Variants in ZBTB5 observed in about 807,000 individuals in gnomAD.
The protein encoded by ZBTB5 is zinc finger and BTB domain-containing protein 5.
Under a neutral mutation model 37.9 loss-of-function variants are expected in ZBTB5, and 15 were observed. The observed-to-expected ratio is 0.40, with a 90% confidence interval of 0.26 to 0.61. ZBTB5 has a LOEUF of 0.61. Ranked by LOEUF, ZBTB5 falls within the 20% of genes least tolerant of loss-of-function variation. ZBTB5 has a pLI of 0.47. For synonymous variants in ZBTB5, 315 were observed against 312.4 expected (o/e 1.01, Z -0.09); for missense variants, 708 against 856.8 (o/e 0.83, Z 2.17).
At chr9:37,452,735 A>G (rs1824125063) in intron 1 of ZBTB5, among the ~76,000 whole-genome samples, 1 of 152,208 alleles carries the variant, frequency 6.6e-6, no homozygotes, top group African/African-American at 2.4e-5. Flanking sequence ...AGCCACCTCA[A>G]GGCAAAGGTG....
intron 1 of ZBTB5, among the ~76,000 whole-genome samples, chr9:37,449,735 A>G (rs542588075): frequency 4.8e-4 from 73 of 151,788 alleles, no homozygotes; most frequent in Admixed American, 1.2e-3. Context: ...AAAATGATAC[A>G]GGAATTAAAG....
intron 1 of ZBTB5, among the ~76,000 whole-genome samples, chr9:37,447,192 C>A (rs1270823265): frequency 1.3e-5 from 2 of 152,202 alleles, no homozygotes; most frequent in Non-Finnish European, 2.9e-5. Flanking sequence ...AAAGCAAGGA[C>A]CTTCTTCACA....
Position 37,439,656 on chromosome 9 carries a change from T to C in ZBTB5, c.*862A>G, listed in dbSNP as rs1329279831. The C allele has an allele frequency of 6.6e-6, 1 of 152,152 alleles. No homozygotes were observed. Among genetic ancestry groups the C allele is most frequent in the African/African-American group, 2.4e-5 (1 of 41,406 alleles). The allele number at this position is 152,152 out of a possible 1,614,324, so 9.4% of individuals were successfully genotyped here. On this transcript the variant is annotated 3_prime_UTR_variant, in exon 2 of 2. Transcript: ENST00000307750. ...GACGGAGCAACAGGTAAATGTGCCA[T>C]GGAAGACCCCACAAAACATGACTCC...
intron 1 of ZBTB5, among the ~76,000 whole-genome samples, chr9:37,450,735 C>T (rs762354363): frequency 6.6e-5 from 10 of 151,788 alleles, no homozygotes; most frequent in African/African-American, 4.8e-5. Context: ...CTTGGTGGCA[C>T]GTACCTGTAA....
intron 1 of ZBTB5, among the ~76,000 whole-genome samples, chr9:37,451,252 G>A (rs1236337216): frequency 6.6e-6 from 1 of 151,968 alleles, no homozygotes; most frequent in Non-Finnish European, 1.5e-5. Context: ...CTTAAATCTT[G>A]TAGAACTACT....
intron 1 of ZBTB5, among the ~76,000 whole-genome samples, chr9:37,450,175 A>G (rs554818007): frequency 6.6e-6 from 1 of 152,196 alleles, no homozygotes; most frequent in Non-Finnish European, 1.5e-5. Context: ...CTAGAGAGAG[A>G]GCTGTTTTCC....
intron 1 of ZBTB5, among the ~76,000 whole-genome samples, chr9:37,445,152 A>G (rs1823952576): frequency 6.6e-6 from 1 of 152,172 alleles, no homozygotes. Flanking sequence ...TTCGTAGACA[A>G]TATTTACACA....
At chr9:37,459,795 C>T (rs956636624) in intron 1 of ZBTB5, among the ~76,000 whole-genome samples, 1 of 149,488 alleles carries the variant, frequency 6.7e-6, no homozygotes, top group Non-Finnish European at 1.5e-5. Context: ...ACTGCAAGCT[C>T]TGCCTCCCGG....
intron 1 of ZBTB5, among the ~76,000 whole-genome samples, chr9:37,454,171 AAAAAT>A (rs1399625048): frequency 4.6e-5 from 7 of 152,236 alleles, no homozygotes; most frequent in Non-Finnish European, 1.0e-4. Flanking sequence ...GGAATATTTT[AAAAAT>A]TCAGTTCATT....
At position 37,464,744 on chromosome 9, in the gene ZBTB5, T is replaced by C. The variant is rs184643293; in HGVS notation, c.-5+471A>G. Among the ~76,000 whole-genome samples the C allele has an allele frequency of 3.6e-3, 546 of 152,300 alleles. 2 individuals carry two copies. Among genetic ancestry groups the C allele is most frequent in the African/African-American group, 0.013 (529 of 41,566 alleles). ...AGTTGGGGCATTCCGAAACACTGGCTCCACCCCTCCAGGGTCGGCCGCTGG... is the reference window on the plus strand; with the variant it reads ...AGTTGGGGCATTCCGAAACACTGGCCCCACCCCTCCAGGGTCGGCCGCTGG... On this transcript the variant is annotated intron_variant, in intron 1 of 1. Coordinates refer to ENST00000307750, the MANE Select transcript of ZBTB5 (RefSeq NM_014872.3).
chr9:37,441,274 G>A lies in ZBTB5; in HGVS notation c.1278C>T (p.Asn426=). The change falls in exon 2 of 2, where the codon AAC becomes AAT. Residue 426 remains asparagine, a synonymous_variant. Transcript: ENST00000307750. ...TGGTGTTTGGAATATTATCATCATT[G>A]TTCTGATTTGCAGTAAAGTTATTTC... is the stretch of plus-strand genomic sequence containing the variant. The part of the protein sequence containing the change: ...SRGNNFTANQ[N]NDDNIPNTTS... The A allele has an allele frequency of 6.2e-7, 1 of 1,613,634 alleles. No individual in the cohort carries two copies. The highest frequency in any genetic ancestry group is 8.5e-7 in the Non-Finnish European group (1 of 1,180,034).
chr9:37,442,501 C>G lies in ZBTB5; in HGVS notation c.51G>C (p.Gln17His), dbSNP rs1239307945. 1 of 1,610,684 alleles carries G rather than the reference C, an allele frequency of 6.2e-7. No individual in the cohort carries two copies. The highest frequency in any genetic ancestry group is 1.7e-5 in the Admixed American group (1 of 59,894). Residue 17 changes from glutamine to histidine, a missense_variant, in exon 2 of 2, where the codon CAG (glutamine) becomes CAC (histidine). Gln to His is a conservative substitution (Grantham distance 24). Transcript: ENST00000307750. ...AATCACAGAGCTGGCCATGAAGTCT[C>G]TGGTAGTTCAGCTGCTGGAAGATTT... is the stretch of plus-strand genomic sequence containing the variant. ...FEQIFQQLNYQRLHGQLCDCV... is the reference protein window; with the variant it reads ...FEQIFQQLNYHRLHGQLCDCV...
In ZBTB5 at chr9:37,442,197, A is replaced by C. The variant is rs767105528; in HGVS notation, c.355T>G (p.Leu119Val). The C allele has an allele frequency of 1.2e-6, 2 of 1,614,128 alleles. No homozygotes were observed. Among genetic ancestry groups the C allele is most frequent in the Non-Finnish European group, 1.7e-6 (2 of 1,180,050 alleles). ...NSVVKACKHY[L>V]TTRTLPMSPP... Reference sequence around the variant, plus strand: ...GACATGGGCAGCGTCCTTGTCGTTAAGTAATGTTTACATGCCTTAACAACA... The same window carrying C: ...GACATGGGCAGCGTCCTTGTCGTTACGTAATGTTTACATGCCTTAACAACA... The change falls in exon 2 of 2, where the codon TTA becomes GTA. Residue 119 changes from leucine (L) to valine (V), a missense_variant. Transcript: ENST00000307750.
chr9:37,440,892 G>A lies in ZBTB5; in HGVS notation c.1660C>T (p.Pro554Ser), dbSNP rs1409843655. 1 of 1,614,162 alleles carries A rather than the reference G, an allele frequency of 6.2e-7. No homozygotes were observed. Among genetic ancestry groups the A allele is most frequent in the Admixed American group, 1.7e-5 (1 of 60,018 alleles). ...VVTSVRSSQI[P>S]ENSTSSQLMM... is the part of the protein sequence containing the mutation. ...AGCTGAGAACTGGTAGAGTTTTCTG[G>A]GATCTGTGAGCTCCTGACGGAAGTT... Residue 554 changes from proline to serine, a missense_variant, in exon 2 of 2, where the codon CCA (proline) becomes TCA (serine). This residue lies in a region of ZBTB5 where 639 missense variants were observed against 690.5 expected (regional missense o/e 0.93). Coordinates refer to ENST00000307750, the MANE Select transcript of ZBTB5 (RefSeq NM_014872.3).
intron 1 of ZBTB5, among the ~76,000 whole-genome samples, chr9:37,449,120 T>G (rs1356941786): frequency 6.6e-6 from 1 of 152,032 alleles, no homozygotes; most frequent in East Asian, 1.9e-4. Flanking sequence ...CACGGTGGCT[T>G]ACACCTGTAA....
At position 37,440,375 on chromosome 9, in the gene ZBTB5, A is replaced by ATGTT. The variant is rs1491178796; in HGVS notation, c.*139_*142dup. 3.0e-6 allele frequency: 2 copies of ATGTT among 658,498 alleles called. No individual in the cohort carries two copies. Among genetic ancestry groups the ATGTT allele is most frequent in the Non-Finnish European group, 5.1e-6 (2 of 389,392 alleles). 40.8% of individuals were successfully genotyped at this position (658,498 alleles called of 1,614,324 possible). A position where few individuals can be genotyped will look rare whatever the true frequency, so the allele number is the denominator to read the frequency against. On this transcript the variant is annotated 3_prime_UTR_variant, in exon 2 of 2. Coordinates refer to ENST00000307750, the MANE Select transcript of ZBTB5 (RefSeq NM_014872.3). ...AGAAATGCAGCAGCACAAATACTAC[A>ATGTT]TGTTAGTTCTCCGGTTATTAGTTGC... is the stretch of plus-strand genomic sequence containing the variant.
At chr9:37,450,480 T>C (rs1307408158) in intron 1 of ZBTB5, among the ~76,000 whole-genome samples, 1 of 152,174 alleles carries the variant, frequency 6.6e-6, no homozygotes, top group Non-Finnish European at 1.5e-5. Flanking sequence ...GTAATATGCA[T>C]TGAGCAAAAC....
Position 37,440,891 on chromosome 9 carries a change from G to A in ZBTB5, c.1661C>T (p.Pro554Leu). Residue 554 changes from proline (P) to leucine (L), a missense_variant, in exon 2 of 2, where the codon CCA (proline) becomes CTA (leucine). Pro to Leu is a moderately conservative substitution (Grantham distance 98, BLOSUM62 -3). Coordinates refer to ENST00000307750, the MANE Select transcript of ZBTB5 (RefSeq NM_014872.3). The stretch of plus-strand genomic sequence containing the variant: ...TAGCTGAGAACTGGTAGAGTTTTCT[G>A]GGATCTGTGAGCTCCTGACGGAAGT... ...VVTSVRSSQI[P>L]ENSTSSQLMM... is the part of the protein sequence containing the mutation. The A allele has an allele frequency of 5.6e-6, 9 of 1,614,136 alleles. No homozygotes were observed. Among genetic ancestry groups the A allele is most frequent in the Non-Finnish European group, 7.6e-6 (9 of 1,180,024 alleles).
Position 37,439,099 on chromosome 9 carries a change from A to T in ZBTB5, c.*1419T>A, listed in dbSNP as rs1823799771. 1 of 152,214 alleles carries T rather than the reference A, an allele frequency of 6.6e-6. No individual in the cohort carries two copies. The highest frequency in any genetic ancestry group is 1.5e-5 in the Non-Finnish European group (1 of 68,028). 9.4% of individuals were successfully genotyped at this position (152,214 alleles called of 1,614,324 possible). Reference sequence around the variant, plus strand: ...GCTATATAAAACATAAAATGAACTCATGTTCATGCATGAATTAAACTGACT... The same window carrying T: ...GCTATATAAAACATAAAATGAACTCTTGTTCATGCATGAATTAAACTGACT... On this transcript the variant is annotated 3_prime_UTR_variant, in exon 2 of 2. Transcript: ENST00000307750.
Sources: gnomAD v4.1 joint callset for allele counts (sites outside exome capture counted in the v4.1 genomes callset) on GRCh38, gnomAD v4.1.1 for gene constraint, gnomAD v4.1.1 regional missense constraint, MANE v1.5 for transcripts, NCBI Gene and HGNC (gene_info 2026-07-23, HGNC 2026-07-21) for gene names.